The following ALLC variants were observed in gnomAD, a reference collection of about 807,000 sequenced individuals.
ALLC encodes allantoicase, also known as probable inactive allantoicase.
In ALLC, 40 loss-of-function variants were observed where a neutral mutation model predicts 45.0. The ratio of observed to expected loss-of-function variants is 0.89; its 90% CI spans 0.69 to 1.16. The LOEUF (loss-of-function observed/expected upper bound fraction) is 1.16. Among genes scored for constraint, ALLC ranks in the 50% most tolerant of loss-of-function variants. The pLI, the probability that ALLC is intolerant of heterozygous loss-of-function variation, is 0.00. For missense variants in ALLC, 488 were observed against 493.1 expected, an observed-to-expected ratio of 0.99 and a Z score of 0.10; for synonymous variants, 176 against 178.1, an observed-to-expected ratio of 0.99 and a Z score of 0.09.
At chr2:3,656,543 G>A (rs754460849), upstream of ALLC, among the ~76,000 whole-genome samples, 24 of 152,224 alleles carry the variant, frequency 1.6e-4, no homozygotes, top group African/African-American at 2.7e-4. Flanking sequence ...TGATTTTAGC[G>A]TTAGAGAAGT....
At position 3,680,117 on chromosome 2, in the gene ALLC, G is replaced by A; in HGVS notation, c.298+123G>A. 3 of 1,363,892 alleles carry A rather than the reference G, an allele frequency of 2.2e-6. No individual in the cohort carries two copies. The highest frequency in any genetic ancestry group is 2.2e-4 in the Middle Eastern group (1 of 4,472). 84.5% of individuals were successfully genotyped at this position (1,363,892 alleles called of 1,614,324 possible). ...AGACAGCTTCAGGCGCTTGACTAAG[G>A]CTACTTTACTGTAACGGGGCTGTAG... is the stretch of plus-strand genomic sequence containing the variant. On this transcript the variant is annotated intron_variant, in intron 5 of 11. Transcript: ENST00000252505. This position sits in a 1 kb window ranked among gnomAD's most constrained non-coding sequence, Gnocchi z 4.0.
chr2:3,689,172 TTTTTG>T (rs1292484141), intron 7 of ALLC, among the ~76,000 whole-genome samples: 1 of 150,952 alleles, frequency 6.6e-6, no homozygotes, highest in African/African-American at 2.4e-5. Context: ...AAAAACAAGT[TTTTTG>T]TTTTGTTGAT....
intron 1 of ALLC, among the ~76,000 whole-genome samples, chr2:3,658,739 G>A (rs561387710): frequency 2.8e-4 from 42 of 152,038 alleles, no homozygotes; most frequent in African/African-American, 8.0e-4. Flanking sequence ...ATGGTGGTGC[G>A]TGCCTGTGGT....
chr2:3,693,687 T>G (rs1268795073), intron 7 of ALLC, among the ~76,000 whole-genome samples: 1 of 152,134 alleles, frequency 6.6e-6, no homozygotes, highest in Non-Finnish European at 1.5e-5. Flanking sequence ...TTTGACAGAG[T>G]CCTTGTCCTT....
the ALLC span, among the ~76,000 whole-genome samples, chr2:3,646,158 C>T: frequency 6.6e-6 from 1 of 152,052 alleles, no homozygotes; most frequent in East Asian, 1.9e-4. Context: ...AGAGTGCAGG[C>T]ATGTGTACTA....
intron 7 of ALLC, among the ~76,000 whole-genome samples, chr2:3,685,216 G>A (rs986139054): frequency 1.5e-5 from 2 of 137,472 alleles, no homozygotes; most frequent in Non-Finnish European, 3.3e-5. Flanking sequence ...CCACATCCTC[G>A]CTAGCATCCA....
At chr2:3,664,251 C>T (rs530771752) in intron 1 of ALLC, among the ~76,000 whole-genome samples, 4 of 152,190 alleles carry the variant, frequency 2.6e-5, no homozygotes, top group Admixed American at 6.5e-5. Context: ...GTTTATTCAA[C>T]CAGAGGCCAA....
the ALLC span, among the ~76,000 whole-genome samples, chr2:3,651,181 C>T: frequency 9.9e-5 from 15 of 151,866 alleles, no homozygotes; most frequent in African/African-American, 3.4e-4. Flanking sequence ...ATCCGTGGCT[C>T]CATACTGCCA....
At chr2:3,694,436 T>A (rs1005042988) in intron 7 of ALLC, among the ~76,000 whole-genome samples, 1 of 152,184 alleles carries the variant, frequency 6.6e-6, no homozygotes, top group Non-Finnish European at 1.5e-5. Flanking sequence ...TTAAATGAGA[T>A]GTACTCAGAG....
the ALLC span, among the ~76,000 whole-genome samples, chr2:3,650,504 C>T: frequency 4.6e-5 from 7 of 152,210 alleles, 1 homozygote; most frequent in Non-Finnish European, 1.0e-4. Flanking sequence ...CCTGGGCAAG[C>T]GGGCAGCTGC....
At chr2:3,695,923 A>T in intron 8 of ALLC, 51 bp downstream of exon 8, 1 of 1,530,558 alleles carries the variant, frequency 6.5e-7, no homozygotes, top group Non-Finnish European at 8.8e-7. Context: ...GGGTACCGGC[A>T]TTAAATACCC....
chr2:3,685,254 C>T (rs921128724), intron 7 of ALLC, among the ~76,000 whole-genome samples: 4 of 138,766 alleles, frequency 2.9e-5, no homozygotes, highest in South Asian at 4.3e-4. Flanking sequence ...TAAATAAAAG[C>T]GGTATTACTC....
At chr2:3,679,807 T>A in intron 4 of ALLC, 62 bp from the exon 5 acceptor site, 6 of 1,602,730 alleles carry the variant, frequency 3.7e-6, no homozygotes, top group Non-Finnish European at 5.1e-6. Context: ...GTGCACTGCC[T>A]CGCATGCAGC....
intron 6 of ALLC, among the ~76,000 whole-genome samples, chr2:3,682,311 A>G (rs1421444466): frequency 6.6e-6 from 1 of 152,138 alleles, no homozygotes; most frequent in Non-Finnish European, 1.5e-5. Flanking sequence ...CTTGGTTTTT[A>G]TTTGAATGTT....
At chr2:3,672,385 G>A (rs1171032837) in intron 2 of ALLC, among the ~76,000 whole-genome samples, 1 of 132,486 alleles carries the variant, frequency 7.5e-6, no homozygotes, top group African/African-American at 3.0e-5. Flanking sequence ...ATTTAGATCC[G>A]AGGTCCTCTG....
chr2:3,665,074 T>A (rs1258687546), intron 1 of ALLC, among the ~76,000 whole-genome samples: 3 of 152,122 alleles, frequency 2.0e-5, no homozygotes, highest in African/African-American at 7.2e-5. Context: ...TTCACCTAGT[T>A]TGAATAACAG....
chr2:3,671,569 GGTTAGATGGGAGGTCCTCTGGCTCTA>G (rs1332499562), intron 2 of ALLC, among the ~76,000 whole-genome samples: 79 of 109,422 alleles, frequency 7.2e-4, no homozygotes, highest in Non-Finnish European at 1.2e-3. Flanking sequence ...CTCTGGCTCT[GGTTAGATGGGAGGTCCTCTGGCTCTA>G]GTTAGATGGG....
At chr2:3,658,905 C>G (rs917550655) in intron 1 of ALLC, among the ~76,000 whole-genome samples, 7 of 145,804 alleles carry the variant, frequency 4.8e-5, no homozygotes, top group African/African-American at 1.6e-4. Context: ...ACCTAAACAA[C>G]TAAGGCCATG....
At chr2:3,652,799 C>T in the ALLC span, among the ~76,000 whole-genome samples, 1 of 152,132 alleles carries the variant, frequency 6.6e-6, no homozygotes, top group Admixed American at 6.5e-5. Context: ...GCAGTCTGGT[C>T]TTGAACTCCT....
Sources: gnomAD v4.1 joint callset for allele counts (sites outside exome capture counted in the v4.1 genomes callset) on GRCh38, gnomAD v4.1.1 for gene constraint, Gnocchi (gnomAD v3.1) non-coding constraint, MANE v1.5 for transcripts, NCBI Gene and HGNC (gene_info 2026-07-23, HGNC 2026-07-21) for gene names.